The following FBXO21 variants were observed in gnomAD, a reference collection of about 807,000 sequenced individuals.
FBXO21 encodes F-box protein 21.
Under a neutral mutation model 76.6 loss-of-function variants are expected in FBXO21, and 32 were observed. The ratio of observed to expected loss-of-function variants is 0.42; its 90% CI spans 0.32 to 0.56. The LOEUF (loss-of-function observed/expected upper bound fraction) is 0.56. FBXO21 is among the 20% of genes least tolerant of loss of function. The pLI, the probability that FBXO21 is intolerant of heterozygous loss-of-function variation, is 0.16. For synonymous variants in FBXO21, 328 were observed against 311.5 expected (o/e 1.05, Z -0.56); for missense variants, 586 against 797.3 (o/e 0.73, Z 3.19).
At chr12:117,160,459 C>T (rs1314034921) in intron 9 of FBXO21, among the ~76,000 whole-genome samples, 1 of 152,152 alleles carries the variant, frequency 6.6e-6, no homozygotes, top group Admixed American at 6.5e-5. Context: ...CATCTGCACT[C>T]GATGGCTTCA....
chr12:117,168,773 T>C (rs957862394), intron 7 of FBXO21, among the ~76,000 whole-genome samples: 1 of 152,216 alleles, frequency 6.6e-6, no homozygotes, highest in Non-Finnish European at 1.5e-5. Flanking sequence ...TTAAGTTAGA[T>C]GTGCTGCAAC....
rs1168324498 is a variant in FBXO21 at position 117,177,531 on chromosome 12, G to A, written c.581C>T (p.Ser194Leu). 9 of 1,613,088 alleles carry A rather than the reference G, an allele frequency of 5.6e-6. No homozygotes were observed. Among genetic ancestry groups the A allele is most frequent in the African/African-American group, 1.3e-5 (1 of 74,888 alleles). ...GGGAAAAGACCCACCTTCAAGATACGACTCATAGTCATCTGGCTGCTGAAG... is the reference window on the plus strand; with the variant it reads ...GGGAAAAGACCCACCTTCAAGATACAACTCATAGTCATCTGGCTGCTGAAG... ...AFLQQPDDYE[S>L]YLEGAVYIDQ... is the part of the protein sequence containing the mutation. Residue 194 changes from serine to leucine, a missense_variant, in exon 4 of 12, where the codon TCG becomes TTG. Coordinates refer to ENST00000622495, the MANE Select transcript of FBXO21 (RefSeq NM_015002.3).
chr12:117,162,486 A>G (rs1955992132), intron 9 of FBXO21, among the ~76,000 whole-genome samples: 4 of 152,204 alleles, frequency 2.6e-5, no homozygotes, highest in African/African-American at 9.6e-5. Context: ...TATCTACCCT[A>G]TAGGGCTGCT....
intron 11 of FBXO21, among the ~76,000 whole-genome samples, chr12:117,147,070 C>T (rs12301961): frequency 0.019 from 2,930 of 150,802 alleles, 77 homozygotes; most frequent in African/African-American, 0.054. Flanking sequence ...TGGTGAAACC[C>T]GTCTCTACTA....
At chr12:117,155,480 C>G (rs1955903797) in intron 11 of FBXO21, 3 of 340,952 alleles carry the variant, frequency 8.8e-6, no homozygotes, top group East Asian at 1.2e-4. Context: ...TGGGAGGAGC[C>G]GAGGGCAGGG....
chr12:117,148,915 T>G (rs1955808853), intron 11 of FBXO21, among the ~76,000 whole-genome samples: 1 of 152,184 alleles, frequency 6.6e-6, no homozygotes, highest in South Asian at 2.1e-4. Flanking sequence ...TCTACTGTTG[T>G]CAGGTCTCTA....
intron 4 of FBXO21, among the ~76,000 whole-genome samples, chr12:117,175,635 C>T (rs10850790): frequency 6.6e-6 from 1 of 152,082 alleles, no homozygotes; most frequent in Non-Finnish European, 1.5e-5. Context: ...ACTGTCTCCT[C>T]GGCCTCCGAG....
At chr12:117,159,426 G>A (rs142821649) in intron 9 of FBXO21, among the ~76,000 whole-genome samples, 1 of 152,272 alleles carries the variant, frequency 6.6e-6, no homozygotes, top group East Asian at 1.9e-4. Flanking sequence ...GTGGCTCTGG[G>A]TGTGAAGATC....
At chr12:117,180,776 C>G (rs536379756) in intron 3 of FBXO21, among the ~76,000 whole-genome samples, 2 of 152,188 alleles carry the variant, frequency 1.3e-5, no homozygotes, top group Admixed American at 1.3e-4. Context: ...CAGGCTGCAT[C>G]ACCACACCAA....
chr12:117,166,689 G>A (rs1256002800), intron 8 of FBXO21, among the ~76,000 whole-genome samples: 1 of 152,140 alleles, frequency 6.6e-6, no homozygotes, highest in Non-Finnish European at 1.5e-5. Flanking sequence ...CAAAGCATTT[G>A]GATATGAGAA....
chr12:117,179,227 C>T (rs140673345), intron 3 of FBXO21, among the ~76,000 whole-genome samples: 188 of 152,298 alleles, frequency 1.2e-3, no homozygotes, highest in African/African-American at 4.4e-3. Context: ...CTTAATGAAT[C>T]ATTACAAGGC....
At chr12:117,189,509 C>A in intron 1 of FBXO21, 147 bp from the exon 2 acceptor site, 2 of 732,348 alleles carry the variant, frequency 2.7e-6, no homozygotes, top group South Asian at 3.5e-5. Context: ...ACCCCACCAG[C>A]ATTCACTCAC....
chr12:117,181,598 A>AGTCT (rs1555242798), intron 3 of FBXO21, among the ~76,000 whole-genome samples: 114 of 26,778 alleles, frequency 4.3e-3, no homozygotes, highest in African/African-American at 7.2e-3. Flanking sequence ...TATCTGAGAC[A>AGTCT]GTCTATCTAT....
intron 9 of FBXO21, among the ~76,000 whole-genome samples, chr12:117,159,136 TA>T (rs1489507968): frequency 6.6e-5 from 10 of 152,214 alleles, no homozygotes; most frequent in African/African-American, 2.2e-4. Context: ...ACTCCAGTTT[TA>T]TGCACCATGT....
intron 7 of FBXO21, 150 bp from the exon 8 acceptor site, chr12:117,167,227 C>T (rs1033425855): frequency 1.7e-5 from 11 of 654,472 alleles, no homozygotes; most frequent in Non-Finnish European, 2.6e-5. Context: ...AATCTGACCC[C>T]TTTGTGCAAG....
intron 8 of FBXO21, 23 bp from the exon 9 acceptor site, chr12:117,165,640 T>C: frequency 1.3e-6 from 2 of 1,555,890 alleles, no homozygotes; most frequent in Non-Finnish European, 8.7e-7. Flanking sequence ...AAACAATGTT[T>C]GTCTCATCCT....
At chr12:117,165,268 C>G (rs2270790) in intron 9 of FBXO21, among the ~76,000 whole-genome samples, 30,293 of 151,966 alleles carry the variant, frequency 0.2, 3,424 homozygotes, top group East Asian at 0.43. Context: ...GTTTAAGGAG[C>G]TGACCACAAA....
At chr12:117,153,722 C>T (rs961562196) in intron 11 of FBXO21, among the ~76,000 whole-genome samples, 8 of 152,208 alleles carry the variant, frequency 5.3e-5, no homozygotes, top group South Asian at 4.1e-4. Context: ...ATGGAGCCGC[C>T]GGCAGAAGAC....
intron 3 of FBXO21, among the ~76,000 whole-genome samples, chr12:117,182,735 G>C (rs538837765): frequency 2.0e-5 from 3 of 151,654 alleles, no homozygotes; most frequent in East Asian, 3.9e-4. Context: ...GCTAATTTTT[G>C]TATTTTTAGT....
Sources: gnomAD v4.1 joint callset for allele counts (sites outside exome capture counted in the v4.1 genomes callset) on GRCh38, gnomAD v4.1.1 for gene constraint, MANE v1.5 for transcripts, NCBI Gene and HGNC (gene_info 2026-07-23, HGNC 2026-07-21) for gene names.